COLEC11: variants seen among roughly 807,000 people sequenced by gnomAD.
The protein encoded by COLEC11 is collectin-11.
In COLEC11, 20 loss-of-function variants were observed where a neutral mutation model predicts 27.3. The ratio of observed to expected loss-of-function variants is 0.73; its 90% confidence interval spans 0.51 to 1.06. COLEC11 has a LOEUF of 1.06. Ranked by LOEUF, COLEC11 falls within the 50% of genes least tolerant of loss-of-function variation. COLEC11 has a pLI of 0.00. For synonymous variants in COLEC11, 163 were observed against 154.7 expected (o/e 1.05, Z -0.40); for missense variants, 310 against 383.0 (o/e 0.81, Z 1.59).
chr2:3,617,218 A>G (rs1225210728), intron 3 of COLEC11, among the ~76,000 whole-genome samples: 1 of 152,094 alleles, frequency 6.6e-6, no homozygotes, highest in Non-Finnish European at 1.5e-5. Context: ...CATTTGACAA[A>G]AAGAAAAAAA....
chr2:3,621,477 TTTA>T (rs1186031517), intron 3 of COLEC11, among the ~76,000 whole-genome samples: 2 of 152,188 alleles, frequency 1.3e-5, no homozygotes, highest in Admixed American at 6.5e-5. Flanking sequence ...TTTTTATTTA[TTTA>T]TTTTTATTAA....
intron 3 of COLEC11, among the ~76,000 whole-genome samples, chr2:3,624,588 C>T (rs897630601): frequency 6.6e-5 from 10 of 152,256 alleles, no homozygotes; most frequent in Middle Eastern, 3.4e-3. Context: ...AAGGGGGTTT[C>T]CCTGGGCACT....
rs1662936207 is a variant in COLEC11, at chr2:3,608,761, A to C, written c.130+4291A>C. Among the ~76,000 whole-genome samples the C allele has an allele frequency of 2.0e-5, 3 of 152,268 alleles. No individual in the cohort carries two copies. In the South Asian group the frequency reaches 6.2e-4, roughly 31 times the overall value. ...GTTCTTAAGATGCGTGGACAGGGCA[A>C]GTCTACAAGGCGGAGGCGACGGGGA... On this transcript the variant is annotated intron_variant, in intron 2 of 6. Coordinates refer to ENST00000349077, the MANE Select transcript of COLEC11 (RefSeq NM_024027.5).
At chr2:3,616,729 A>G (rs13004447) in intron 3 of COLEC11, among the ~76,000 whole-genome samples, 106,830 of 151,838 alleles carry the variant, frequency 0.7, 37,977 homozygotes, top group South Asian at 0.88. Flanking sequence ...GCTTCGGCTC[A>G]GCATCAAGAG....
At position 3,618,844 on chromosome 2, in the gene COLEC11, A is replaced by G. The variant is rs79265925; in HGVS notation, c.202+5462A>G. ...TTTTTTCCATTTATTTGTGTCTTCAATGTTTCATAGTTCTCAGTGTACAGG... is the reference window on the plus strand; with the variant it reads ...TTTTTTCCATTTATTTGTGTCTTCAGTGTTTCATAGTTCTCAGTGTACAGG... On this transcript the variant is annotated intron_variant, in intron 3 of 6. Coordinates refer to ENST00000349077, the MANE Select transcript of COLEC11 (RefSeq NM_024027.5). Among the ~76,000 whole-genome samples, 843 of 152,228 alleles carry G rather than the reference A, an allele frequency of 5.5e-3. 4 individuals carry two copies. Among genetic ancestry groups the G allele is most frequent in the Non-Finnish European group, 8.7e-3 (589 of 68,012 alleles).
chr2:3,616,247 C>T (rs1204764124), intron 3 of COLEC11, among the ~76,000 whole-genome samples: 9 of 149,282 alleles, frequency 6.0e-5, no homozygotes, highest in South Asian at 4.3e-4. Context: ...GGATGGCGGC[C>T]GGGAAGAGGC....
intron 2 of COLEC11, among the ~76,000 whole-genome samples, chr2:3,608,897 C>A (rs145269417): frequency 6.6e-6 from 1 of 152,236 alleles, no homozygotes; most frequent in Non-Finnish European, 1.5e-5. Flanking sequence ...TCGTGACAAC[C>A]AGCACGGTGT....
chr2:3,619,176 C>G (rs1049238652), intron 3 of COLEC11, among the ~76,000 whole-genome samples: 1 of 151,468 alleles, frequency 6.6e-6, no homozygotes, highest in African/African-American at 2.4e-5. Flanking sequence ...CCGCCTCCCT[C>G]CCTCCCTCTC....
rs1353445065 is a variant in COLEC11 at position 3,595,120 on chromosome 2, C to A, written c.-75C>A. On this transcript the variant is annotated 5_prime_UTR_variant, in exon 1 of 7. Transcript: ENST00000349077. ...ATGAGGCGCCTGGGGGCAGTGTCCT[C>A]GCGGGCCAGCGACGGGCAGGACGCC... The A allele has an allele frequency of 5.4e-6, 2 of 369,358 alleles. No individual in the cohort carries two copies. The highest frequency in any genetic ancestry group is 8.5e-5 in the East Asian group (1 of 11,818). 22.9% of individuals were successfully genotyped at this position (369,358 alleles called of 1,614,324 possible). A position where few individuals can be genotyped will look rare whatever the true frequency, so the allele number is the denominator to read the frequency against.
At chr2:3,625,960 A>G (rs561410072) in intron 3 of COLEC11, 586 of 1,483,838 alleles carry the variant, frequency 3.9e-4, no homozygotes, top group Non-Finnish European at 5.3e-4. Context: ...TAACATCTCT[A>G]TTATCTGAGT....
At chr2:3,614,366 T>C (rs1003502963) in intron 3 of COLEC11, among the ~76,000 whole-genome samples, 1 of 152,170 alleles carries the variant, frequency 6.6e-6, no homozygotes, top group African/African-American at 2.4e-5. Flanking sequence ...TAAAAAAAAT[T>C]ATTATAACAA....
chr2:3,639,391 G>C (rs572093932), intron 4 of COLEC11, among the ~76,000 whole-genome samples: 1 of 152,166 alleles, frequency 6.6e-6, no homozygotes, highest in East Asian at 1.9e-4. Context: ...GATTTGCTTC[G>C]TGTCTGAGAT....
At chr2:3,633,532 GC>G (rs1665165255) in intron 3 of COLEC11, among the ~76,000 whole-genome samples, 2 of 152,196 alleles carry the variant, frequency 1.3e-5, no homozygotes, top group African/African-American at 4.8e-5. Context: ...AAACCCTTGC[GC>G]TGGCTGCTTG....
chr2:3,644,223 G>T lies in COLEC11; in HGVS notation c.*105G>T, dbSNP rs781189973. 7.0e-6 allele frequency: 10 copies of T among 1,426,828 alleles called. No individual in the cohort carries two copies. The highest frequency in any genetic ancestry group is 1.2e-5 in the South Asian group (1 of 86,180). 88.4% of individuals were successfully genotyped at this position (1,426,828 alleles called of 1,614,324 possible). A position where few individuals can be genotyped will look rare whatever the true frequency, so the allele number is the denominator to read the frequency against. On this transcript the variant is annotated 3_prime_UTR_variant, in exon 7 of 7. Transcript: ENST00000349077. ...AGCCAGGGAGCTGTCCCTCTGTGAA[G>T]GGTGGAGGCTCACTGAGTAGAGGGC...
intron 3 of COLEC11, among the ~76,000 whole-genome samples, chr2:3,633,277 G>A (rs1045213723): frequency 1.3e-5 from 2 of 152,220 alleles, no homozygotes; most frequent in African/African-American, 2.4e-5. Context: ...CCCATCTTCG[G>A]GAAAGACTTA....
intron 1 of COLEC11, among the ~76,000 whole-genome samples, chr2:3,597,827 C>T (rs148486093): frequency 2.0e-5 from 3 of 152,226 alleles, no homozygotes; most frequent in Admixed American, 2.0e-4. Flanking sequence ...GAGGCAGGAG[C>T]CGGGGAGACT....
chr2:3,596,852 C>G (rs995084501), intron 1 of COLEC11, among the ~76,000 whole-genome samples: 1 of 152,204 alleles, frequency 6.6e-6, no homozygotes, highest in African/African-American at 2.4e-5. Flanking sequence ...AGAAGGCAGT[C>G]AGAGGGCGAG....
At chr2:3,606,327 G>T in intron 2 of COLEC11, 1 of 1,220,632 alleles carries the variant, frequency 8.2e-7, no homozygotes, top group Non-Finnish European at 1.2e-6. Context: ...CTGTTGGGAG[G>T]GTCCTTCCCA....
intron 3 of COLEC11, among the ~76,000 whole-genome samples, chr2:3,621,696 G>A (rs956527055): frequency 6.6e-6 from 1 of 151,578 alleles, no homozygotes; most frequent in Non-Finnish European, 1.5e-5. Flanking sequence ...TCTTTCTTTT[G>A]TGTATGTACT....
Sources: gnomAD v4.1 joint callset for allele counts (sites outside exome capture counted in the v4.1 genomes callset) on GRCh38, gnomAD v4.1.1 for gene constraint, MANE v1.5 for transcripts, NCBI Gene and HGNC (gene_info 2026-07-23, HGNC 2026-07-21) for gene names.